ANKRD30B: variants seen among roughly 807,000 people sequenced by gnomAD.
ANKRD30B encodes ankyrin repeat domain 30B.
In ANKRD30B, 144 loss-of-function variants were observed where a neutral mutation model predicts 202.2. The observed-to-expected ratio is 0.71, with a 90% CI of 0.62 to 0.82. The LOEUF is 0.82. Among genes scored for constraint, ANKRD30B ranks in the 40% least tolerant of loss-of-function variants. The pLI, the probability that ANKRD30B is intolerant of heterozygous loss-of-function variation, is 0.00. For synonymous variants in ANKRD30B, 508 were observed against 561.3 expected, an observed-to-expected ratio of 0.91 and a Z score of 1.34; for missense variants, 1,487 against 1,669.1, an observed-to-expected ratio of 0.89 and a Z score of 1.90.
chr18:14,873,196 G>A, the ANKRD30B span, among the ~76,000 whole-genome samples: 1 of 152,140 alleles, frequency 6.6e-6, no homozygotes, highest in Non-Finnish European at 1.5e-5. Context: ...CTTATTTATT[G>A]AATTGTTTAA....
At chr18:14,831,281 T>G in intron 33 of ANKRD30B, 102 bp from the exon 34 acceptor site, 1 of 749,286 alleles carries the variant, frequency 1.3e-6, no homozygotes, top group Admixed American at 3.0e-5. Flanking sequence ...CAGATTTTGT[T>G]TTTTGTTCTC....
At chr18:14,919,884 G>T in the ANKRD30B span, among the ~76,000 whole-genome samples, 3 of 152,208 alleles carry the variant, frequency 2.0e-5, no homozygotes, top group East Asian at 1.9e-4. Context: ...GGGCAGAAGT[G>T]GGGGCTAGAA....
At chr18:14,854,832 AACACACACACAC>A (rs56259305), downstream of ANKRD30B, among the ~76,000 whole-genome samples, 163 of 134,180 alleles carry the variant, frequency 1.2e-3, no homozygotes, top group African/African-American at 3.9e-3. Flanking sequence ...ACTATCCACG[AACACACACACAC>A]ACACACACAC....
At chr18:14,820,638 T>A (rs539477029) in intron 30 of ANKRD30B, among the ~76,000 whole-genome samples, 12 of 152,366 alleles carry the variant, frequency 7.9e-5, no homozygotes, top group Admixed American at 2.0e-4. Context: ...TTTTTGTCTT[T>A]GGCTCTGTTT....
the ANKRD30B span, among the ~76,000 whole-genome samples, chr18:14,870,252 T>C: frequency 7.9e-5 from 12 of 152,216 alleles, no homozygotes; most frequent in Non-Finnish European, 1.5e-4. Flanking sequence ...AGTGCTGAGA[T>C]TACAGGCATG....
chr18:14,818,066 G>T (rs1444483793), intron 30 of ANKRD30B, among the ~76,000 whole-genome samples: 2 of 152,204 alleles, frequency 1.3e-5, no homozygotes, highest in African/African-American at 4.8e-5. Context: ...ATAAAAAGTA[G>T]AGAAAAATGA....
chr18:14,798,387 G>A (rs1403126431), intron 20 of ANKRD30B, among the ~76,000 whole-genome samples: 1 of 152,074 alleles, frequency 6.6e-6, no homozygotes, highest in African/African-American at 2.4e-5. Context: ...AATATAGTGT[G>A]TGCATCGGTA....
At chr18:14,850,759 A>C (rs2143266413) in intron 41 of ANKRD30B, among the ~76,000 whole-genome samples, 1 of 151,988 alleles carries the variant, frequency 6.6e-6, no homozygotes, top group South Asian at 2.1e-4. Context: ...TGGTTTTCTA[A>C]GTAGGGCTCT....
the ANKRD30B span, among the ~76,000 whole-genome samples, chr18:14,900,403 C>T: frequency 1.3e-5 from 2 of 152,018 alleles, no homozygotes; most frequent in Non-Finnish European, 2.9e-5. Context: ...TGAAGTTACA[C>T]GTTTTGATTC....
intron 12 of ANKRD30B, among the ~76,000 whole-genome samples, 191 bp from the exon 13 acceptor site, chr18:14,784,145 A>G (rs1462403136): frequency 6.6e-6 from 1 of 152,110 alleles, no homozygotes; most frequent in Non-Finnish European, 1.5e-5. Context: ...TATGAAACCT[A>G]TATTTATATT....
chr18:14,878,891 G>C, the ANKRD30B span, among the ~76,000 whole-genome samples: 1 of 152,208 alleles, frequency 6.6e-6, no homozygotes, highest in African/African-American at 2.4e-5. Context: ...ATTCAGGCAG[G>C]AGGGGCTGCC....
intron 36 of ANKRD30B, among the ~76,000 whole-genome samples, chr18:14,838,840 T>C (rs1245228641): frequency 6.6e-6 from 1 of 152,252 alleles, no homozygotes; most frequent in Non-Finnish European, 1.5e-5. Context: ...GATGAAATAA[T>C]GTTGTAACAA....
chr18:14,763,384 C>T (rs1915567022), intron 6 of ANKRD30B, among the ~76,000 whole-genome samples: 1 of 152,010 alleles, frequency 6.6e-6, no homozygotes, highest in Non-Finnish European at 1.5e-5. Context: ...CTCGTCTCTA[C>T]TAAATACAAA....
At chr18:14,784,678 G>A in intron 14 of ANKRD30B, 143 bp downstream of exon 14, 1 of 941,020 alleles carries the variant, frequency 1.1e-6, no homozygotes, top group African/African-American at 1.7e-5. Flanking sequence ...ATTTATGTTT[G>A]AAAACCTGAT....
chr18:14,896,334 T>C, the ANKRD30B span, among the ~76,000 whole-genome samples: 1 of 152,124 alleles, frequency 6.6e-6, no homozygotes, highest in Non-Finnish European at 1.5e-5. Flanking sequence ...GGTTTCACCG[T>C]GTTAGCCAGG....
chr18:14,936,709 T>C, the ANKRD30B span, among the ~76,000 whole-genome samples: 1 of 152,128 alleles, frequency 6.6e-6, no homozygotes, highest in Non-Finnish European at 1.5e-5. Context: ...TCAATCAACG[T>C]TCTTCCACCA....
intron 6 of ANKRD30B, among the ~76,000 whole-genome samples, chr18:14,761,431 C>A (rs1301858462): frequency 6.7e-6 from 1 of 149,776 alleles, no homozygotes; most frequent in Non-Finnish European, 1.5e-5. Flanking sequence ...GTCACCCCAC[C>A]CCAGGAGAGC....
At chr18:14,936,934 T>TTTGC in the ANKRD30B span, among the ~76,000 whole-genome samples, 1 of 152,282 alleles carries the variant, frequency 6.6e-6, no homozygotes, top group Admixed American at 6.5e-5. Flanking sequence ...TTTTCTCCTC[T>TTTGC]TTGCACACTT....
In ANKRD30B at chr18:14,793,871, G is replaced by A. The variant is rs184052239; in HGVS notation, c.1826-2350G>A. On this transcript the variant is annotated intron_variant, in intron 16 of 43. Transcript: ENST00000690538. The stretch of plus-strand genomic sequence containing the variant: ...ATCTCAACACTGCACTCCAGCCTGG[G>A]CGACAGGGCGAGACACCGACAAAAG... 1.5e-3 allele frequency among the ~76,000 whole-genome samples: 231 copies of A among 151,750 alleles called. 2 individuals carry two copies. The highest frequency in any genetic ancestry group is 5.4e-3 in the African/African-American group (223 of 41,316).
Sources: allele counts gnomAD v4.1 joint callset (sites outside exome capture counted in the v4.1 genomes callset), GRCh38; gene constraint gnomAD v4.1.1; transcripts MANE v1.5; gene names NCBI Gene and HGNC (gene_info 2026-07-23, HGNC 2026-07-21).